COL23A1: variants seen among roughly 807,000 people sequenced by gnomAD.
COL23A1 encodes the protein collagen type XXIII alpha 1 chain.
A neutral mutation model predicts 99.3 loss-of-function variants in COL23A1; 97 were observed. That is an observed-to-expected ratio of 0.98 (90% CI 0.83 to 1.16). The LOEUF is 1.16. Among genes scored for constraint, COL23A1 ranks in the 50% most tolerant of loss-of-function variants. The pLI is 0.00. For synonymous variants in COL23A1, 320 were observed against 308.2 expected (o/e 1.04, Z -0.40); for missense variants, 762 against 757.4 (o/e 1.01, Z -0.07).
At chr5:178,469,548 T>C (rs534310434) in intron 2 of COL23A1, among the ~76,000 whole-genome samples, 56 of 151,960 alleles carry the variant, frequency 3.7e-4, no homozygotes, top group African/African-American at 1.3e-3. Flanking sequence ...GGGCAGTCTG[T>C]AGCTGGGGCC....
chr5:178,306,840 C>T lies in COL23A1; in HGVS notation c.406+35G>A. On this transcript the variant is annotated intron_variant, in intron 3 of 28. Coordinates refer to ENST00000390654, the MANE Select transcript of COL23A1 (RefSeq NM_173465.4). The surrounding 1 kb of genome is among the most constrained non-coding windows in gnomAD (Gnocchi z 4.1). ...GCCTGGGGCCATGGTGGCTTCCAAGCCTTGGCTTAGGAGCTGAGAAAACCT... is the reference window on the plus strand; with the variant it reads ...GCCTGGGGCCATGGTGGCTTCCAAGTCTTGGCTTAGGAGCTGAGAAAACCT... 2 of 1,446,356 alleles carry T rather than the reference C, an allele frequency of 1.4e-6. No individual in the cohort carries two copies. The highest frequency in any genetic ancestry group is 1.8e-6 in the Non-Finnish European group (2 of 1,094,606). 89.6% of individuals were successfully genotyped at this position (1,446,356 alleles called of 1,614,324 possible).
At chr5:178,319,400 T>A (rs1759160293) in intron 2 of COL23A1, among the ~76,000 whole-genome samples, 1 of 150,492 alleles carries the variant, frequency 6.6e-6, no homozygotes, top group Non-Finnish European at 1.5e-5. Flanking sequence ...AAAGCTCTAT[T>A]TTTTTTTTTA....
At chr5:178,260,667 G>A (rs1308583366) in intron 11 of COL23A1, among the ~76,000 whole-genome samples, 2 of 152,204 alleles carry the variant, frequency 1.3e-5, no homozygotes, top group African/African-American at 2.4e-5. Context: ...GGTGGCGCAC[G>A]CCTGTAATCC....
intron 2 of COL23A1, among the ~76,000 whole-genome samples, chr5:178,358,715 GTGTATGTGTA>G (rs1290462645): frequency 6.9e-6 from 1 of 144,374 alleles, no homozygotes; most frequent in African/African-American, 2.6e-5. Context: ...GTGTGTATGT[GTGTATGTGTA>G]TGTGTGTATG....
intron 2 of COL23A1, among the ~76,000 whole-genome samples, chr5:178,556,748 T>C (rs1267441493): frequency 1.3e-5 from 2 of 149,716 alleles, no homozygotes; most frequent in African/African-American, 4.9e-5. Context: ...AGGTCAGGAG[T>C]TGGAGACCAG....
At chr5:178,283,051 A>G (rs1365687559) in intron 5 of COL23A1, among the ~76,000 whole-genome samples, 1 of 151,618 alleles carries the variant, frequency 6.6e-6, no homozygotes, top group East Asian at 1.9e-4. Flanking sequence ...TTGTATTTTT[A>G]TTTTTATTTT....
Position 178,306,748 on chromosome 5 carries a change from G to A in COL23A1, c.406+127C>T. ...ACGGCAGCTGGACTTGGAAGGGGGAGGAGCACCTGCCCAGGACCAAGGCAT... is the reference window on the plus strand; with the variant it reads ...ACGGCAGCTGGACTTGGAAGGGGGAAGAGCACCTGCCCAGGACCAAGGCAT... On this transcript the variant is annotated intron_variant, in intron 3 of 28. Transcript: ENST00000390654. The surrounding 1 kb of genome is among the most constrained non-coding windows in gnomAD (Gnocchi z 4.1). 1 of 591,518 alleles carries A rather than the reference G, an allele frequency of 1.7e-6. No homozygotes were observed. Among genetic ancestry groups the A allele is most frequent in the African/African-American group, 1.9e-5 (1 of 51,312 alleles). The allele number at this position is 591,518 out of a possible 1,614,324, so 36.6% of individuals were successfully genotyped here. A position where few individuals can be genotyped will look rare whatever the true frequency, so the allele number is the denominator to read the frequency against.
intron 8 of COL23A1, among the ~76,000 whole-genome samples, chr5:178,264,903 C>G (rs1210829596): frequency 2.6e-5 from 4 of 152,218 alleles, no homozygotes; most frequent in African/African-American, 9.6e-5. Context: ...GCCTTGGCCT[C>G]CCAAAGTGCT....
At chr5:178,488,851 A>T (rs1321185095) in intron 2 of COL23A1, among the ~76,000 whole-genome samples, 1 of 152,214 alleles carries the variant, frequency 6.6e-6, no homozygotes, top group Non-Finnish European at 1.5e-5. Flanking sequence ...AGGAAGGAAG[A>T]GGTGGTGTCT....
Position 178,383,809 on chromosome 5 carries a change from A to G in COL23A1, c.362-76890T>C, listed in dbSNP as rs544519616. On this transcript the variant is annotated intron_variant, in intron 2 of 28. Transcript: ENST00000390654. Reference sequence around the variant, plus strand: ...GGGAAAACCGTGCATGACTTCAGGCACTCCTTTGTGTGGTCACCTCCCCGT... The same window carrying G: ...GGGAAAACCGTGCATGACTTCAGGCGCTCCTTTGTGTGGTCACCTCCCCGT... 3.7e-4 allele frequency among the ~76,000 whole-genome samples: 55 copies of G among 150,516 alleles called. 1 individual carries two copies. The highest frequency in any genetic ancestry group is 1.3e-3 in the African/African-American group (54 of 40,874).
rs765160665 is a variant in COL23A1 at position 178,254,967 on chromosome 5, C to T, written c.942G>A (p.Arg314=). 1 of 1,613,710 alleles carries T rather than the reference C, an allele frequency of 6.2e-7. No homozygotes were observed. The highest frequency in any genetic ancestry group is 2.2e-5 in the East Asian group (1 of 44,880). The change falls in exon 16 of 29, where the codon AGG becomes AGA. Residue 314 remains arginine, a synonymous_variant. Transcript: ENST00000390654. The part of the protein sequence containing the change: ...GDTVVIDYDG[R]ILDALKGPPG... ...ACACTACCTTGAGGGCATCCAAGATCCTGCCATCATAGTCGATCACCACTG... is the reference window on the plus strand; with the variant it reads ...ACACTACCTTGAGGGCATCCAAGATTCTGCCATCATAGTCGATCACCACTG...
rs147944863 is a variant in COL23A1 at position 178,375,520 on chromosome 5, C to T, written c.362-68601G>A. Among the ~76,000 whole-genome samples, 718 of 152,352 alleles carry T rather than the reference C, an allele frequency of 4.7e-3. 4 individuals carry two copies. Among genetic ancestry groups the T allele is most frequent in the Non-Finnish European group, 7.0e-3 (479 of 68,030 alleles). On this transcript the variant is annotated intron_variant, in intron 2 of 28. Transcript: ENST00000390654. Reference sequence around the variant, plus strand: ...ACACAGAGTCGATGGTCTCACCTCACGATGGCCCAAAAGGCCCTGCGTGGT... The same window carrying T: ...ACACAGAGTCGATGGTCTCACCTCATGATGGCCCAAAAGGCCCTGCGTGGT...
intron 2 of COL23A1, among the ~76,000 whole-genome samples, chr5:178,389,396 T>A (rs1211168793): frequency 6.6e-6 from 1 of 152,192 alleles, no homozygotes; most frequent in African/African-American, 2.4e-5. Context: ...AACATCTGCA[T>A]TTAGTCAAAG....
intron 2 of COL23A1, chr5:178,345,455 C>CT (rs59360920): frequency 0.14 from 25,104 of 180,594 alleles, 1,829 homozygotes; most frequent in Middle Eastern, 0.19. Flanking sequence ...TGTATCATCT[C>CT]TTTTTTTTTT....
intron 2 of COL23A1, among the ~76,000 whole-genome samples, chr5:178,443,555 G>A (rs890583246): frequency 4.6e-5 from 7 of 152,148 alleles, no homozygotes; most frequent in African/African-American, 1.7e-4. Context: ...CTGCCTCCCA[G>A]GTTCAAGTGA....
intron 25 of COL23A1, among the ~76,000 whole-genome samples, chr5:178,243,215 TG>T (rs2127526118): frequency 6.7e-6 from 1 of 148,698 alleles, no homozygotes; most frequent in South Asian, 2.1e-4. Context: ...AGGCCAGGCA[TG>T]GTGGCTCCCG....
chr5:178,521,689 A>G (rs2113064284), intron 2 of COL23A1, among the ~76,000 whole-genome samples: 1 of 152,370 alleles, frequency 6.6e-6, no homozygotes, highest in Admixed American at 6.5e-5. Context: ...GGAATGAAGC[A>G]CTGATGGATG....
chr5:178,518,632 C>A (rs1192549035), intron 2 of COL23A1, among the ~76,000 whole-genome samples: 1 of 134,882 alleles, frequency 7.4e-6, no homozygotes, highest in Non-Finnish European at 1.6e-5. Context: ...GGCGGCCGGG[C>A]AGAGACGCTC....
chr5:178,294,771 C>A (rs932783754), intron 3 of COL23A1, among the ~76,000 whole-genome samples: 1 of 152,112 alleles, frequency 6.6e-6, no homozygotes, highest in African/African-American at 2.4e-5. Flanking sequence ...AATCCAGAAG[C>A]CATAAAAGAG....
Sources: allele counts gnomAD v4.1 joint callset (sites outside exome capture counted in the v4.1 genomes callset), GRCh38; gene constraint gnomAD v4.1.1; non-coding constraint Gnocchi (gnomAD v3.1); transcripts MANE v1.5; gene names NCBI Gene and HGNC (gene_info 2026-07-23, HGNC 2026-07-21).